Variants in MEI1 observed in about 807,000 individuals in gnomAD.
MEI1 encodes the protein meiotic double-stranded break formation protein 1.
MEI1 carries 103 observed loss-of-function variants against 146.2 expected under a neutral mutation model. That is an observed-to-expected ratio of 0.70 (90% confidence interval 0.60 to 0.83). The LOEUF (loss-of-function observed/expected upper bound fraction) is 0.83, where lower values mean the gene tolerates loss of function less well. Among genes scored for constraint, MEI1 ranks in the 40% least tolerant of loss-of-function variants. MEI1 has a pLI of 0.00. For synonymous variants in MEI1, 652 were observed against 628.2 expected (o/e 1.04, Z -0.57); for missense variants, 1,529 against 1,533.0 (o/e 1.00, Z 0.04).
chr22:41,729,597 A>T, intron 7 of MEI1, 68 bp from the exon 8 acceptor site: 1 of 975,538 alleles, frequency 1.0e-6, no homozygotes, highest in Non-Finnish European at 1.6e-6. Flanking sequence ...GCCCTGAGGC[A>T]CCTAGGCCAG....
intron 3 of MEI1, among the ~76,000 whole-genome samples, chr22:41,712,004 C>G (rs1366485793): frequency 6.6e-6 from 1 of 151,398 alleles, no homozygotes; most frequent in Non-Finnish European, 1.5e-5. Flanking sequence ...GAGTTCGAGA[C>G]CAGCCTGGCC....
At chr22:41,747,658 C>T (rs1292705046) in intron 14 of MEI1, among the ~76,000 whole-genome samples, 5 of 151,842 alleles carry the variant, frequency 3.3e-5, no homozygotes, top group Non-Finnish European at 7.4e-5. Context: ...GAGCCGAGAT[C>T]GCACCACTGA....
At chr22:41,759,112 C>T (rs1200477283) in intron 18 of MEI1, among the ~76,000 whole-genome samples, 1 of 152,146 alleles carries the variant, frequency 6.6e-6, no homozygotes, top group African/African-American at 2.4e-5. Context: ...CACTGCACTC[C>T]AGCCTGGGTG....
chr22:41,715,060 T>C (rs1237784446), intron 4 of MEI1, among the ~76,000 whole-genome samples: 1 of 152,204 alleles, frequency 6.6e-6, no homozygotes, highest in Admixed American at 6.5e-5. Flanking sequence ...TTACATATGA[T>C]TAATATGTCA....
intron 11 of MEI1, among the ~76,000 whole-genome samples, chr22:41,738,231 G>A (rs1161221295): frequency 2.0e-5 from 3 of 151,942 alleles, no homozygotes; most frequent in Non-Finnish European, 2.9e-5. Flanking sequence ...GAGGTGGGTG[G>A]ATCACAATGT....
intron 22 of MEI1, among the ~76,000 whole-genome samples, chr22:41,780,576 CTTTTCTTTTT>C (rs2075702594): frequency 8.2e-6 from 1 of 121,538 alleles, no homozygotes; most frequent in African/African-American, 2.9e-5. Flanking sequence ...GAATTTTTTT[CTTTTCTTTTT>C]TTTTTTTTTT....
intron 11 of MEI1, among the ~76,000 whole-genome samples, chr22:41,737,357 C>A (rs1222881468): frequency 6.6e-6 from 1 of 151,810 alleles, no homozygotes; most frequent in Non-Finnish European, 1.5e-5. Flanking sequence ...CTGCCTCAGT[C>A]TCCTGAGTAG....
intron 18 of MEI1, 48 bp downstream of exon 18, chr22:41,758,581 T>C: frequency 6.4e-7 from 1 of 1,556,134 alleles, no homozygotes; most frequent in Non-Finnish European, 8.8e-7. Flanking sequence ...GGGACCTTCA[T>C]CAGCAGTTCA....
At position 41,795,432 on chromosome 22, in the gene MEI1, AGT is replaced by A; in HGVS notation, c.3559_3560del (p.Val1187ProfsTer4). The A allele has an allele frequency of 6.2e-7, 1 of 1,613,664 alleles. No homozygotes were observed. Among genetic ancestry groups the A allele is most frequent in the Non-Finnish European group, 8.5e-7 (1 of 1,179,808 alleles). ...MTLFMRYRSS[S>X]VLSHEEVGDV... The stretch of plus-strand genomic sequence containing the variant: ...CCAGTTTATGCGGTACCGGAGTAGC[AGT>A]GTCCTCTCTCATGAAGAGGTGGGTG... On this transcript the variant is annotated frameshift_variant, in exon 29 of 31. Coordinates refer to ENST00000401548, the MANE Select transcript of MEI1 (RefSeq NM_152513.4). LOFTEE classifies it high-confidence loss of function. This position sits in a 1 kb window ranked among gnomAD's most constrained non-coding sequence, Gnocchi z 4.2.
intron 19 of MEI1, among the ~76,000 whole-genome samples, chr22:41,767,932 G>T (rs2074956807): frequency 6.6e-6 from 1 of 152,174 alleles, no homozygotes; most frequent in Non-Finnish European, 1.5e-5. Flanking sequence ...CTTTGAAGCT[G>T]AGAGCAGAGT....
chr22:41,764,198 G>A (rs2074698068), intron 19 of MEI1, among the ~76,000 whole-genome samples: 1 of 152,150 alleles, frequency 6.6e-6, no homozygotes, highest in Non-Finnish European at 1.5e-5. Context: ...CTGACCTCGT[G>A]ATCTGCCCGC....
intron 18 of MEI1, among the ~76,000 whole-genome samples, chr22:41,762,570 A>G (rs1437673988): frequency 9.8e-6 from 1 of 101,604 alleles, no homozygotes; most frequent in African/African-American, 4.1e-5. Context: ...TTTTTTTTGT[A>G]GAGAAGAGGT....
intron 11 of MEI1, among the ~76,000 whole-genome samples, chr22:41,733,937 G>T (rs554262971): frequency 2.6e-5 from 4 of 151,892 alleles, no homozygotes; most frequent in African/African-American, 9.7e-5. Flanking sequence ...GACCAGCCTG[G>T]CCAACATGTA....
chr22:41,793,839 T>C lies in MEI1; in HGVS notation c.3356T>C (p.Leu1119Pro). Reference protein sequence around the residue: ...LQNLLVQKDPLLSQACVGCLE... With the variant: ...LQNLLVQKDPPLSQACVGCLE... ...TTTTTTTTTCTGCAGAAGGACCCTC[T>C]ATTGTCCCAGGCCTGTGTTGGCTGC... The change falls in exon 27 of 31, where the codon CTA becomes CCA. Residue 1119 changes from leucine (L) to proline (P), a missense_variant. Physicochemically the swap from Leu to Pro is moderately conservative, Grantham distance 98. This residue lies in a region of MEI1 where 313 missense variants were observed against 337.3 expected (regional missense o/e 0.93). Transcript: ENST00000401548. 6.2e-7 allele frequency: 1 copy of C among 1,603,806 alleles called. No homozygotes were observed.
At chr22:41,739,942 G>A (rs913473380) in intron 11 of MEI1, among the ~76,000 whole-genome samples, 1 of 152,118 alleles carries the variant, frequency 6.6e-6, no homozygotes, top group Non-Finnish European at 1.5e-5. Context: ...GTGTTGCCTG[G>A]AGAAGCAGGA....
At chr22:41,720,258 A>T (rs1408351692) in intron 6 of MEI1, among the ~76,000 whole-genome samples, 1 of 152,130 alleles carries the variant, frequency 6.6e-6, no homozygotes, top group East Asian at 1.9e-4. Flanking sequence ...AGCAGCCTGT[A>T]TCTGCGGTAA....
chr22:41,709,067 A>T (rs1329943837), intron 3 of MEI1, among the ~76,000 whole-genome samples: 2 of 152,224 alleles, frequency 1.3e-5, no homozygotes, highest in Non-Finnish European at 2.9e-5. Context: ...TATTAGTGAC[A>T]TATGCCCCTT....
chr22:41,783,256 AC>A (rs141573031), intron 24 of MEI1, among the ~76,000 whole-genome samples: 3 of 149,636 alleles, frequency 2.0e-5, no homozygotes, highest in South Asian at 2.1e-4. Flanking sequence ...CCCATATAAC[AC>A]CCCCCCTCAC....
chr22:41,745,297 A>G (rs982509228), intron 13 of MEI1, among the ~76,000 whole-genome samples: 13 of 152,152 alleles, frequency 8.5e-5, no homozygotes, highest in Admixed American at 8.5e-4. Flanking sequence ...CTACTGTGCC[A>G]TGAGGTTGTG....
Sources: gnomAD v4.1 joint callset for allele counts (sites outside exome capture counted in the v4.1 genomes callset) on GRCh38, gnomAD v4.1.1 for gene constraint, gnomAD v4.1.1 regional missense constraint, Gnocchi (gnomAD v3.1) non-coding constraint, MANE v1.5 for transcripts, NCBI Gene and HGNC (gene_info 2026-07-23, HGNC 2026-07-21) for gene names.